PTAR1: variants seen among roughly 807,000 people sequenced by gnomAD.
PTAR1 encodes protein prenyltransferase alpha subunit repeat-containing protein 1.
In PTAR1, 17 loss-of-function variants were observed where a neutral mutation model predicts 45.5. The ratio of observed to expected loss-of-function variants is 0.37; its 90% CI spans 0.26 to 0.56. The LOEUF is 0.56. Ranked by LOEUF, PTAR1 falls within the 20% of genes least tolerant of loss-of-function variation. The pLI is 0.77. For missense variants in PTAR1, 391 were observed against 476.3 expected (o/e 0.82, Z 1.67); for synonymous variants, 169 against 171.3 (o/e 0.99, Z 0.11).
chr9:69,747,502 T>G (rs981929248), intron 2 of PTAR1, among the ~76,000 whole-genome samples: 1 of 152,190 alleles, frequency 6.6e-6, no homozygotes, highest in Non-Finnish European at 1.5e-5. Context: ...ATGTATCAAA[T>G]AGCTGCTAAC....
Position 69,718,414 on chromosome 9 carries a change from G to A in PTAR1, c.1137C>T (p.Ser379=). 2 of 1,613,574 alleles carry A rather than the reference G, an allele frequency of 1.2e-6. No homozygotes were observed. Among genetic ancestry groups the A allele is most frequent in the Non-Finnish European group, 1.7e-6 (2 of 1,179,648 alleles). Residue 379 remains serine, a synonymous_variant, in exon 8 of 8, where the codon TCC becomes TCT. Transcript: ENST00000340434. ...TGGCTTGCTCCACGTTCCGACAGGT[G>A]GACAATACTTGATCAATGAACCTGT... The part of the protein sequence containing the change: ...MEHRFIDQVL[S]TCRNVEQARF...
At chr9:69,758,627 C>T in intron 1 of PTAR1, 1 of 336,442 alleles carries the variant, frequency 3.0e-6, no homozygotes, top group South Asian at 2.3e-5. Context: ...TTTAATGTGG[C>T]ACAGTTGCAC....
chr9:69,746,484 T>C (rs1826280620), intron 2 of PTAR1, among the ~76,000 whole-genome samples: 1 of 152,196 alleles, frequency 6.6e-6, no homozygotes, highest in Non-Finnish European at 1.5e-5. Flanking sequence ...AAAGAACATG[T>C]ATAATCAACG....
chr9:69,748,592 C>T (rs1228418684), intron 2 of PTAR1, among the ~76,000 whole-genome samples: 2 of 152,066 alleles, frequency 1.3e-5, no homozygotes, highest in Non-Finnish European at 2.9e-5. Context: ...CTTGCATGAT[C>T]GATCACACAG....
chr9:69,756,853 C>T (rs904349259), intron 1 of PTAR1, among the ~76,000 whole-genome samples: 5 of 152,206 alleles, frequency 3.3e-5, no homozygotes, highest in African/African-American at 9.6e-5. Context: ...CTCATCTACA[C>T]CTGCACTATG....
chr9:69,724,316 A>T (rs1047619549), intron 5 of PTAR1, among the ~76,000 whole-genome samples: 7 of 152,234 alleles, frequency 4.6e-5, no homozygotes, highest in Admixed American at 2.6e-4. Flanking sequence ...TTGTGATACC[A>T]ATATCTTGCA....
At chr9:69,724,291 A>T (rs142595959) in intron 5 of PTAR1, among the ~76,000 whole-genome samples, 3 of 152,226 alleles carry the variant, frequency 2.0e-5, no homozygotes, top group Non-Finnish European at 4.4e-5. Flanking sequence ...ATTCAGCAGC[A>T]AATTGTTTAA....
intron 2 of PTAR1, among the ~76,000 whole-genome samples, chr9:69,748,593 G>A (rs1377756274): frequency 6.6e-6 from 1 of 152,012 alleles, no homozygotes; most frequent in Non-Finnish European, 1.5e-5. Context: ...TTGCATGATC[G>A]ATCACACAGA....
intron 1 of PTAR1, among the ~76,000 whole-genome samples, chr9:69,755,085 T>C (rs1375804834): frequency 2.0e-5 from 3 of 152,166 alleles, no homozygotes; most frequent in African/African-American, 7.2e-5. Flanking sequence ...TTCACTCTTT[T>C]ACACTGTTAG....
At chr9:69,753,720 CT>C (rs996635339) in intron 1 of PTAR1, among the ~76,000 whole-genome samples, 1 of 152,032 alleles carries the variant, frequency 6.6e-6, no homozygotes, top group Non-Finnish European at 1.5e-5. Flanking sequence ...ATGTAGAGCA[CT>C]AGGGGGAAAA....
chr9:69,760,003 G>C lies in PTAR1; in HGVS notation c.-65C>G. The C allele has an allele frequency of 1.5e-6, 2 of 1,328,824 alleles. No homozygotes were observed. The highest frequency in any genetic ancestry group is 1.9e-6 in the Non-Finnish European group (2 of 1,030,888). 82.3% of individuals were successfully genotyped at this position (1,328,824 alleles called of 1,614,324 possible). Reference sequence around the variant, plus strand: ...GAGCCGGGCCGCCGGCGGGAGTTCCGCGGAGAACGAGCGCGCGCGCGCGCG... The same window carrying C: ...GAGCCGGGCCGCCGGCGGGAGTTCCCCGGAGAACGAGCGCGCGCGCGCGCG... On this transcript the variant is annotated 5_prime_UTR_variant, in exon 1 of 8. Coordinates refer to ENST00000340434, the MANE Select transcript of PTAR1 (RefSeq NM_001099666.2).
At chr9:69,732,098 G>C in intron 5 of PTAR1, 41 bp downstream of exon 5, 1 of 1,429,020 alleles carries the variant, frequency 7.0e-7, no homozygotes, top group Non-Finnish European at 9.8e-7. Flanking sequence ...AGATTTTAAG[G>C]GCAGACAGGC....
At chr9:69,749,973 G>A (rs964325101) in intron 2 of PTAR1, among the ~76,000 whole-genome samples, 25 of 151,988 alleles carry the variant, frequency 1.6e-4, no homozygotes, top group African/African-American at 4.8e-4. Context: ...CATATTGAGC[G>A]CTTTTGAAGG....
In PTAR1 at chr9:69,710,363, A is replaced by C. The variant is rs1245247004; in HGVS notation, c.*7979T>G. 2.0e-5 allele frequency: 3 copies of C among 152,172 alleles called. No homozygotes were observed. The highest frequency in any genetic ancestry group is 4.4e-5 in the Non-Finnish European group (3 of 68,002). 9.4% of individuals were successfully genotyped at this position (152,172 alleles called of 1,614,324 possible). On this transcript the variant is annotated 3_prime_UTR_variant, in exon 8 of 8. Coordinates refer to ENST00000340434, the MANE Select transcript of PTAR1 (RefSeq NM_001099666.2). ...ACTGGGTTACATAAACTGTTATTAA[A>C]ATTAATTTTGCTTGTTTCTTTTTTA...
intron 3 of PTAR1, among the ~76,000 whole-genome samples, chr9:69,740,572 G>A (rs1324915883): frequency 6.6e-6 from 1 of 150,682 alleles, no homozygotes; most frequent in Non-Finnish European, 1.5e-5. Flanking sequence ...CTTTTTCACT[G>A]AATTTGATTT....
At chr9:69,754,717 T>C (rs1158654892) in intron 1 of PTAR1, among the ~76,000 whole-genome samples, 1 of 28,068 alleles carries the variant, frequency 3.6e-5, no homozygotes, top group East Asian at 8.2e-4. Context: ...AATATATATA[T>C]ATATATTTTT....
rs1401994382 is a variant in PTAR1 at position 69,710,964 on chromosome 9, T to G, written c.*7378A>C. 6.6e-6 allele frequency: 1 copy of G among 152,180 alleles called. No individual in the cohort carries two copies. Among genetic ancestry groups the G allele is most frequent in the African/African-American group, 2.4e-5 (1 of 41,444 alleles). The allele number at this position is 152,180 out of a possible 1,614,324, so 9.4% of individuals were successfully genotyped here. On this transcript the variant is annotated 3_prime_UTR_variant, in exon 8 of 8. Transcript: ENST00000340434. Reference sequence around the variant, plus strand: ...ATGGCAGAATATAGTAGCTGAGAACTTCTTTTAAATGAAAGCTCCTCCATG... The same window carrying G: ...ATGGCAGAATATAGTAGCTGAGAACGTCTTTTAAATGAAAGCTCCTCCATG...
In PTAR1 at chr9:69,709,882, A is replaced by G. The variant is rs1824456578; in HGVS notation, c.*8460T>C. 1 of 152,120 alleles carries G rather than the reference A, an allele frequency of 6.6e-6. No individual in the cohort carries two copies. Among genetic ancestry groups the G allele is most frequent in the South Asian group, 2.1e-4 (1 of 4,826 alleles). The allele number at this position is 152,120 out of a possible 1,614,324, so 9.4% of individuals were successfully genotyped here. On this transcript the variant is annotated 3_prime_UTR_variant, in exon 8 of 8. Transcript: ENST00000340434. ...GAAGAAACAGGACAGAATTTAGTGA[A>G]CGCAACTTAAAAATTTGTTAATGTA...
chr9:69,723,877 T>C (rs1291332415), intron 5 of PTAR1, among the ~76,000 whole-genome samples: 5 of 152,280 alleles, frequency 3.3e-5, no homozygotes, highest in Middle Eastern at 3.4e-3. Context: ...TCATTTGTCA[T>C]CCTTTCCCTA....
Sources: gnomAD v4.1 joint callset for allele counts (sites outside exome capture counted in the v4.1 genomes callset) on GRCh38, gnomAD v4.1.1 for gene constraint, MANE v1.5 for transcripts, NCBI Gene and HGNC (gene_info 2026-07-23, HGNC 2026-07-21) for gene names.